TENM2: variants seen among roughly 807,000 people sequenced by gnomAD.
TENM2 encodes teneurin transmembrane protein 2.
TENM2 carries 52 observed loss-of-function variants against 245.2 expected under a neutral mutation model. The observed-to-expected ratio is 0.21, with a 90% CI of 0.17 to 0.27. TENM2 has a LOEUF of 0.27. Among genes scored for constraint, TENM2 ranks in the 10% least tolerant of loss-of-function variants. The pLI is 1.00. For synonymous variants in TENM2, 1,363 were observed against 1,438.9 expected, an observed-to-expected ratio of 0.95 and a Z score of 1.19; for missense variants, 3,046 against 3,666.8, an observed-to-expected ratio of 0.83 and a Z score of 4.37.
chr5:167,333,174 C>T (rs566436562), intron 1 of TENM2, among the ~76,000 whole-genome samples: 19 of 152,194 alleles, frequency 1.2e-4, no homozygotes, highest in African/African-American at 4.6e-4. Flanking sequence ...AAAGTCTTTC[C>T]ATAACAGGAA....
chr5:167,197,347 G>T, the TENM2 span, among the ~76,000 whole-genome samples: 19 of 152,010 alleles, frequency 1.2e-4, no homozygotes, highest in African/African-American at 4.6e-4. Context: ...TCAAGTGGAA[G>T]GCTACCTAAT....
the TENM2 span, among the ~76,000 whole-genome samples, chr5:166,997,853 C>T: frequency 6.6e-6 from 1 of 152,062 alleles, no homozygotes; most frequent in Non-Finnish European, 1.5e-5. Context: ...AGTAAATAAG[C>T]ATACAGTTTA....
Position 167,695,582 on chromosome 5 carries a change from G to T in TENM2, c.503-180404G>T, listed in dbSNP as rs193219973. Among the ~76,000 whole-genome samples the T allele has an allele frequency of 2.8e-3, 423 of 152,132 alleles. 3 individuals are homozygous for T. Among genetic ancestry groups the T allele is most frequent in the African/African-American group, 9.0e-3 (372 of 41,482 alleles). The stretch of plus-strand genomic sequence containing the variant: ...ATTTTACATTTTAACAGAGGGAAAG[G>T]GTTCAGGTTTGTCTCTGAATCAGAC... On this transcript the variant is annotated intron_variant, in intron 2 of 28. Coordinates refer to ENST00000518659, the Ensembl canonical transcript of TENM2.
intron 2 of TENM2, among the ~76,000 whole-genome samples, chr5:167,858,038 G>A (rs1473271308): frequency 6.6e-6 from 1 of 152,218 alleles, no homozygotes; most frequent in Non-Finnish European, 1.5e-5. Context: ...TTTCTCCGTA[G>A]CTTTCTTTGA....
chr5:167,460,615 T>G (rs921653026), intron 2 of TENM2, among the ~76,000 whole-genome samples: 1 of 146,626 alleles, frequency 6.8e-6, no homozygotes, highest in Non-Finnish European at 1.5e-5. Context: ...TTTTTTTTTT[T>G]CTCCCTTCTG....
rs1248654659 is a variant in TENM2 at position 168,218,410 on chromosome 5, A to G, written c.4519A>G (p.Asn1507Asp). The stretch of plus-strand genomic sequence containing the variant: ...TAACCGTCTACGCCAGGTAACAACC[A>G]ACGGGGAGATCTGCCTTTTAGCTGG... Residue 1507 changes from asparagine (N) to aspartate (D), a missense_variant, in exon 23 of 29, where the codon AAC (asparagine) becomes GAC (aspartate). By Grantham distance (23) the Asn-to-Asp change is conservative (BLOSUM62 1). This residue lies in a region of TENM2 where 2,704 missense variants were observed against 3,331.9 expected (regional missense o/e 0.81). Transcript: ENST00000518659. This position sits in a 1 kb window ranked among gnomAD's most constrained non-coding sequence, Gnocchi z 5.2. 1.9e-6 allele frequency: 3 copies of G among 1,614,038 alleles called. 1 individual carries two copies. In the South Asian group the frequency reaches 3.3e-5, roughly 18 times the overall value.
chr5:168,112,197 T>C (rs986433849), intron 9 of TENM2, among the ~76,000 whole-genome samples: 4 of 152,214 alleles, frequency 2.6e-5, no homozygotes, highest in African/African-American at 9.6e-5. Flanking sequence ...GTTTTTGTTT[T>C]TCTGTTTAGG....
the TENM2 span, among the ~76,000 whole-genome samples, chr5:167,232,614 G>C: frequency 6.6e-6 from 1 of 151,932 alleles, no homozygotes; most frequent in Non-Finnish European, 1.5e-5. Flanking sequence ...CTTGTGATCT[G>C]CCTGCCTCAG....
At chr5:167,163,090 T>A in the TENM2 span, among the ~76,000 whole-genome samples, 1 of 152,228 alleles carries the variant, frequency 6.6e-6, no homozygotes, top group African/African-American at 2.4e-5. Flanking sequence ...GTTCACCTCC[T>A]GTCTGGTAAC....
intron 4 of TENM2, among the ~76,000 whole-genome samples, chr5:167,969,174 A>G (rs1312245144): frequency 1.3e-5 from 2 of 152,186 alleles, no homozygotes; most frequent in Non-Finnish European, 2.9e-5. Context: ...GTTGACACCC[A>G]AATCTCATCT....
chr5:167,545,593 A>T (rs1452372767), intron 2 of TENM2, among the ~76,000 whole-genome samples: 1 of 152,212 alleles, frequency 6.6e-6, no homozygotes, highest in Non-Finnish European at 1.5e-5. Flanking sequence ...AGTGCATTAT[A>T]CATCAAATAC....
At chr5:167,016,277 C>CAAAA in the TENM2 span, among the ~76,000 whole-genome samples, 1 of 82,176 alleles carries the variant, frequency 1.2e-5, no homozygotes, top group Non-Finnish European at 2.5e-5. Context: ...AACAAACAAA[C>CAAAA]AAACAAAAAA....
At chr5:168,017,738 T>C (rs542496521) in intron 5 of TENM2, among the ~76,000 whole-genome samples, 11 of 152,344 alleles carry the variant, frequency 7.2e-5, no homozygotes, top group South Asian at 6.2e-4. Flanking sequence ...AGGGGCTTCA[T>C]TGGCTCAATA....
intron 7 of TENM2, among the ~76,000 whole-genome samples, chr5:168,085,018 T>C (rs1792324323): frequency 6.6e-6 from 1 of 152,194 alleles, no homozygotes. Flanking sequence ...CCCCCAAAAT[T>C]GTTAAAACTC....
At chr5:167,826,611 A>G (rs1437313457) in intron 2 of TENM2, among the ~76,000 whole-genome samples, 1 of 152,234 alleles carries the variant, frequency 6.6e-6, no homozygotes, top group East Asian at 1.9e-4. Flanking sequence ...GTATTTCCTT[A>G]CATTTTTAAT....
chr5:167,452,948 T>TATATATATATATATATATATATATTTTAA (rs10627779), intron 2 of TENM2, among the ~76,000 whole-genome samples: 2,780 of 47,078 alleles, frequency 0.059, 327 homozygotes, highest in East Asian at 0.073. Flanking sequence ...TATATATATA[T>TATATATATATATATATATATATATTTTAA]ATATATATAT....
At chr5:167,558,202 C>G (rs951892332) in intron 2 of TENM2, among the ~76,000 whole-genome samples, 1 of 152,158 alleles carries the variant, frequency 6.6e-6, no homozygotes, top group African/African-American at 2.4e-5. Flanking sequence ...TTTTCTGGAT[C>G]CTGGGGAAGC....
intron 4 of TENM2, among the ~76,000 whole-genome samples, chr5:167,985,431 C>G (rs924764238): frequency 6.6e-6 from 1 of 152,276 alleles, no homozygotes; most frequent in African/African-American, 2.4e-5. Context: ...TTTTTGCACA[C>G]AGCGCTACGT....
chr5:168,017,954 G>T (rs887103677), intron 5 of TENM2, among the ~76,000 whole-genome samples: 4 of 152,052 alleles, frequency 2.6e-5, no homozygotes, highest in Non-Finnish European at 5.9e-5. Context: ...CTTCCCATCT[G>T]CTCTTTCTCA....
Sources: allele counts gnomAD v4.1 joint callset (sites outside exome capture counted in the v4.1 genomes callset), GRCh38; gene constraint gnomAD v4.1.1; regional missense constraint gnomAD v4.1.1; non-coding constraint Gnocchi (gnomAD v3.1); transcripts MANE v1.5; gene names NCBI Gene and HGNC (gene_info 2026-07-23, HGNC 2026-07-21).